The following CPNE4 variants were observed in gnomAD, a reference collection of about 807,000 sequenced individuals.
CPNE4 encodes the protein copine-4.
Under a neutral mutation model 67.9 loss-of-function variants are expected in CPNE4, and 25 were observed. The ratio of observed to expected loss-of-function variants is 0.37; its 90% confidence interval spans 0.27 to 0.51. CPNE4 has a LOEUF of 0.51. CPNE4 is among the 20% of genes least tolerant of loss of function. The pLI is 0.93. For missense variants in CPNE4, 464 were observed against 690.8 expected (o/e 0.67, Z 3.68); for synonymous variants, 242 against 244.9 (o/e 0.99, Z 0.11).
intron 5 of CPNE4, among the ~76,000 whole-genome samples, chr3:131,696,120 A>G (rs941268853): frequency 2.6e-5 from 4 of 152,224 alleles, no homozygotes; most frequent in Non-Finnish European, 4.4e-5. Flanking sequence ...GACTATTAAT[A>G]CGTGATAAAT....
At chr3:131,916,823 G>A (rs887270705) in intron 1 of CPNE4, among the ~76,000 whole-genome samples, 1 of 152,104 alleles carries the variant, frequency 6.6e-6, no homozygotes. Flanking sequence ...GCAACTTGTG[G>A]CTAGTGACAT....
At chr3:131,734,131 T>A (rs1022322753) in intron 2 of CPNE4, among the ~76,000 whole-genome samples, 1 of 152,200 alleles carries the variant, frequency 6.6e-6, no homozygotes, top group Non-Finnish European at 1.5e-5. Context: ...ATTGACCAAA[T>A]TGTGAATTAG....
At chr3:131,753,103 AAT>A (rs1425657598) in intron 2 of CPNE4, among the ~76,000 whole-genome samples, 2 of 151,836 alleles carry the variant, frequency 1.3e-5, no homozygotes, top group African/African-American at 2.4e-5. Context: ...CATGTAACAA[AAT>A]AGAGAGATCA....
rs2083365326 is a variant in CPNE4, at chr3:131,779,071, G to A, written c.181-55446C>T. Among the ~76,000 whole-genome samples, 3 of 152,026 alleles carry A rather than the reference G, an allele frequency of 2.0e-5. No homozygotes were observed. The South Asian group carries it at 6.2e-4, about 32-fold the overall frequency. On this transcript the variant is annotated intron_variant, in intron 2 of 15. Transcript: ENST00000429747. ...CAAAGCTGAGAGCCAAAACAAGAAT[G>A]CAATCCCATTCACAATAGCCACAAA...
chr3:131,754,089 G>T (rs13065905), intron 2 of CPNE4, among the ~76,000 whole-genome samples: 42,675 of 151,960 alleles, frequency 0.28, 6,098 homozygotes, highest in Middle Eastern at 0.35. Flanking sequence ...TGCCATGGGA[G>T]ATTATGCAGC....
chr3:131,872,135 G>A (rs1460625106), intron 2 of CPNE4, among the ~76,000 whole-genome samples: 1 of 152,050 alleles, frequency 6.6e-6, no homozygotes, highest in Non-Finnish European at 1.5e-5. Context: ...GGGTTTTCCA[G>A]AGAAACAGAA....
At chr3:131,886,032 T>G (rs2087872310) in intron 2 of CPNE4, among the ~76,000 whole-genome samples, 1 of 152,174 alleles carries the variant, frequency 6.6e-6, no homozygotes, top group African/African-American at 2.4e-5. Flanking sequence ...CAAATGTTAA[T>G]CCCCAAGACA....
chr3:131,621,270 G>A (rs756648174), intron 7 of CPNE4, among the ~76,000 whole-genome samples: 1 of 151,858 alleles, frequency 6.6e-6, no homozygotes, highest in Non-Finnish European at 1.5e-5. Context: ...TTTTAGACAG[G>A]TTCTCTTACT....
At chr3:131,573,324 A>T (rs935852820) in intron 10 of CPNE4, among the ~76,000 whole-genome samples, 2 of 151,998 alleles carry the variant, frequency 1.3e-5, no homozygotes, top group Non-Finnish European at 2.9e-5. Context: ...GGGAGCTGCA[A>T]CTGGGGTGTT....
intron 1 of CPNE4, among the ~76,000 whole-genome samples, chr3:132,021,358 C>T (rs1367540431): frequency 6.6e-6 from 1 of 152,160 alleles, no homozygotes; most frequent in African/African-American, 2.4e-5. Flanking sequence ...AGCTATTTGG[C>T]CCATAGTTCA....
At chr3:131,615,931 A>G (rs371489263) in intron 7 of CPNE4, among the ~76,000 whole-genome samples, 97 of 96,380 alleles carry the variant, frequency 1.0e-3, no homozygotes, top group Middle Eastern at 4.9e-3. Flanking sequence ...ACACACACGC[A>G]CACACACACA....
At chr3:131,664,446 TG>T (rs1406881815) in intron 7 of CPNE4, among the ~76,000 whole-genome samples, 2 of 152,298 alleles carry the variant, frequency 1.3e-5, no homozygotes, top group African/African-American at 4.8e-5. Context: ...AATCATACAT[TG>T]ATAAGTAAGC....
At chr3:131,898,973 T>G (rs1466604800) in intron 2 of CPNE4, among the ~76,000 whole-genome samples, 1 of 152,030 alleles carries the variant, frequency 6.6e-6, no homozygotes, top group African/African-American at 2.4e-5. Context: ...AAAACTGTCG[T>G]TTTTTTATCA....
chr3:131,922,404 G>T (rs369260964), intron 1 of CPNE4, among the ~76,000 whole-genome samples: 2 of 152,134 alleles, frequency 1.3e-5, no homozygotes, highest in African/African-American at 2.4e-5. Flanking sequence ...CTGGTTTAGT[G>T]GCTTTACACA....
At chr3:131,828,054 T>C (rs1478267290) in intron 2 of CPNE4, among the ~76,000 whole-genome samples, 1 of 151,474 alleles carries the variant, frequency 6.6e-6, no homozygotes, top group Non-Finnish European at 1.5e-5. Flanking sequence ...ATAAGTCATA[T>C]ATATGGCAGT....
chr3:131,953,357 G>A lies in CPNE4; in HGVS notation c.-1-47913C>T, dbSNP rs112933660. On this transcript the variant is annotated intron_variant, in intron 1 of 15. Coordinates refer to ENST00000429747, the MANE Select transcript of CPNE4 (RefSeq NM_130808.3). ...CATTTAATATTTTAGCTGCGGATTT[G>A]TCATATATGATCTTGATTATGCGGA... Among the ~76,000 whole-genome samples the A allele has an allele frequency of 9.2e-3, 1,390 of 150,524 alleles. 6 individuals carry two copies. Among genetic ancestry groups the A allele is most frequent in the South Asian group, 0.015 (73 of 4,764 alleles).
chr3:131,681,525 G>A lies in CPNE4; in HGVS notation c.591+4350C>T, dbSNP rs1121661. ...ATTAGAGCTGTATTGTACGTAATTT[G>A]TTTTTCTTTTCTCTTATTCCTTTTA... On this transcript the variant is annotated intron_variant, in intron 6 of 15. Transcript: ENST00000429747. Among the ~76,000 whole-genome samples the A allele has an allele frequency of 1.4e-4, 21 of 152,172 alleles. No individual in the cohort carries two copies. In the East Asian group the frequency reaches 3.5e-3, roughly 25 times the overall value.
At chr3:131,865,504 T>C (rs1471918108) in intron 2 of CPNE4, among the ~76,000 whole-genome samples, 2 of 152,164 alleles carry the variant, frequency 1.3e-5, no homozygotes, top group African/African-American at 4.8e-5. Flanking sequence ...CAGGTGGTTT[T>C]TCAACCTGTC....
intron 10 of CPNE4, among the ~76,000 whole-genome samples, chr3:131,567,078 C>A (rs1937095170): frequency 6.6e-6 from 1 of 151,952 alleles, no homozygotes; most frequent in South Asian, 2.1e-4. Flanking sequence ...CCTCTTGATA[C>A]TAAAGCTAAC....
Sources: allele counts gnomAD v4.1 joint callset (sites outside exome capture counted in the v4.1 genomes callset), GRCh38; gene constraint gnomAD v4.1.1; transcripts MANE v1.5; gene names NCBI Gene and HGNC (gene_info 2026-07-23, HGNC 2026-07-21).